AUTS2: variants seen among roughly 807,000 people sequenced by gnomAD.
The protein encoded by AUTS2 is activator of transcription and developmental regulator AUTS2.
In AUTS2, 17 loss-of-function variants were observed where a neutral mutation model predicts 112.4. That is an observed-to-expected ratio of 0.15 (90% confidence interval 0.10 to 0.23). The LOEUF is 0.23. AUTS2 is among the 10% of genes least tolerant of loss of function. The pLI is 1.00. For missense variants in AUTS2, 1,510 were observed against 1,701.6 expected (o/e 0.89, Z 1.98); for synonymous variants, 751 against 702.7 (o/e 1.07, Z -1.09).
At chr7:70,074,944 G>A (rs1584680748) in intron 2 of AUTS2, among the ~76,000 whole-genome samples, 1 of 152,134 alleles carries the variant, frequency 6.6e-6, no homozygotes, top group African/African-American at 2.4e-5. Flanking sequence ...CCTCTTTTGA[G>A]CTCAGTATTT....
chr7:70,722,095 A>G (rs985739711), intron 6 of AUTS2, among the ~76,000 whole-genome samples: 55 of 150,708 alleles, frequency 3.6e-4, no homozygotes, highest in Non-Finnish European at 1.3e-4. Flanking sequence ...TTTTTGGTTG[A>G]TACGTCTCTT....
At chr7:70,512,621 C>G (rs1362789823) in intron 5 of AUTS2, among the ~76,000 whole-genome samples, 1 of 152,088 alleles carries the variant, frequency 6.6e-6, no homozygotes, top group Non-Finnish European at 1.5e-5. Context: ...AGGACTCCCC[C>G]CAGAAGGCTG....
chr7:70,227,687 T>A (rs189745116), intron 4 of AUTS2, among the ~76,000 whole-genome samples: 1 of 152,198 alleles, frequency 6.6e-6, no homozygotes, highest in East Asian at 1.9e-4. Flanking sequence ...TGTGATTCAT[T>A]CTCTTAACTC....
intron 4 of AUTS2, among the ~76,000 whole-genome samples, chr7:70,254,268 G>A (rs1361710713): frequency 6.6e-6 from 1 of 152,072 alleles, no homozygotes; most frequent in African/African-American, 2.4e-5. Context: ...AAGTAATTAT[G>A]TCTTTTTTCA....
chr7:70,311,874 C>T (rs1374773208), intron 4 of AUTS2, among the ~76,000 whole-genome samples: 1 of 152,216 alleles, frequency 6.6e-6, no homozygotes. Flanking sequence ...CACCACCACG[C>T]CTGGCTAATT....
chr7:70,048,856 T>C (rs1031245555), intron 2 of AUTS2, among the ~76,000 whole-genome samples: 2 of 152,252 alleles, frequency 1.3e-5, no homozygotes, highest in African/African-American at 4.8e-5. Context: ...CCCAGTGATA[T>C]CTTGGCTTAA....
intron 5 of AUTS2, among the ~76,000 whole-genome samples, chr7:70,575,128 G>C (rs565249600): frequency 6.6e-6 from 1 of 152,326 alleles, no homozygotes; most frequent in East Asian, 1.9e-4. Flanking sequence ...CGCTCGCAGA[G>C]ACCTAGACAG....
chr7:70,024,366 C>T (rs955005933), intron 2 of AUTS2, among the ~76,000 whole-genome samples: 2 of 152,206 alleles, frequency 1.3e-5, no homozygotes, highest in African/African-American at 2.4e-5. Flanking sequence ...AATCAAATTA[C>T]AAACAATGGA....
intron 1 of AUTS2, among the ~76,000 whole-genome samples, chr7:69,783,831 C>A (rs1307809974): frequency 6.6e-6 from 1 of 152,102 alleles, no homozygotes; most frequent in Non-Finnish European, 1.5e-5. Flanking sequence ...GAATAGGTAT[C>A]ATCATTCAGC....
chr7:70,160,114 A>G (rs1483263074), intron 4 of AUTS2, among the ~76,000 whole-genome samples: 2 of 152,158 alleles, frequency 1.3e-5, no homozygotes, highest in African/African-American at 2.4e-5. Flanking sequence ...CTTTTTAGCA[A>G]CATCCATAAT....
chr7:70,010,466 A>G (rs1037359290), intron 2 of AUTS2, among the ~76,000 whole-genome samples: 2 of 152,162 alleles, frequency 1.3e-5, no homozygotes, highest in Admixed American at 6.5e-5. Context: ...TTAAAGGTGT[A>G]TACTTCACCA....
Position 70,694,502 on chromosome 7 carries a change from T to TCCTCCTCCCTCTC in AUTS2, c.691-4055_691-4043dup, listed in dbSNP as rs1036185851. The TCCTCCTCCCTCTC allele has an allele frequency of 6.8e-6, 1 of 147,802 alleles. No homozygotes were observed. The highest frequency in any genetic ancestry group is 1.5e-5 in the Non-Finnish European group (1 of 66,710). 9.2% of individuals were successfully genotyped at this position (147,802 alleles called of 1,614,324 possible). On this transcript the variant is annotated intron_variant, in intron 5 of 18. Coordinates refer to ENST00000342771, the MANE Select transcript of AUTS2 (RefSeq NM_015570.4). The surrounding 1 kb of genome is among the most constrained non-coding windows in gnomAD (Gnocchi z 4.1). ...GAGAAGCCGCCGCGCGCCCTCCTCCTCCTCCTCCCTCTCCCTCCTCCCTCC... is the reference window on the plus strand; with the variant it reads ...GAGAAGCCGCCGCGCGCCCTCCTCCTCCTCCTCCCTCTCCCTCCTCCCTCTCCCTCCTCCCTCC...
chr7:69,831,662 G>A (rs1051616310), intron 1 of AUTS2, among the ~76,000 whole-genome samples: 2 of 150,540 alleles, frequency 1.3e-5, no homozygotes, highest in East Asian at 1.9e-4. Flanking sequence ...ATGCTATGCC[G>A]TTGTCTTGGC....
chr7:70,763,333 C>T lies in AUTS2; in HGVS notation c.1206C>T (p.Asn402=). The part of the protein sequence containing the change: ...SAYNSSSLSL[N]SLSSSRSSTP... ...ACAACAGCAGTAGCTTAAGCCTCAA[C>T]AGTTTAAGGTGAGTGGCCTGCTCTT... Residue 402 remains asparagine (N), a synonymous_variant, in exon 7 of 19, where the codon AAC becomes AAT. Coordinates refer to ENST00000342771, the MANE Select transcript of AUTS2 (RefSeq NM_015570.4). The T allele has an allele frequency of 6.4e-7, 1 of 1,557,054 alleles. No individual in the cohort carries two copies. The highest frequency in any genetic ancestry group is 8.7e-7 in the Non-Finnish European group (1 of 1,150,220).
At chr7:69,727,314 A>C (rs1210583762) in intron 1 of AUTS2, among the ~76,000 whole-genome samples, 1 of 152,182 alleles carries the variant, frequency 6.6e-6, no homozygotes, top group Admixed American at 6.5e-5. Context: ...CTTGAGGGCC[A>C]GGTGCAGTAG....
At chr7:70,465,198 C>T (rs1433146443) in intron 5 of AUTS2, among the ~76,000 whole-genome samples, 1 of 152,198 alleles carries the variant, frequency 6.6e-6, no homozygotes, top group African/African-American at 2.4e-5. Flanking sequence ...TCTTCTGCCT[C>T]CCCTTACTGA....
chr7:70,157,196 C>G (rs1305480216), intron 4 of AUTS2, among the ~76,000 whole-genome samples: 1 of 151,964 alleles, frequency 6.6e-6, no homozygotes. Flanking sequence ...ACTGTTCCAG[C>G]TTTTCATCAC....
At chr7:70,101,157 C>G (rs542807460) in intron 2 of AUTS2, among the ~76,000 whole-genome samples, 3 of 152,080 alleles carry the variant, frequency 2.0e-5, no homozygotes, top group Admixed American at 2.0e-4. Flanking sequence ...GGATTACAGG[C>G]GTGAGCCACT....
intron 1 of AUTS2, among the ~76,000 whole-genome samples, chr7:69,604,195 C>T (rs1440145749): frequency 3.3e-5 from 5 of 152,146 alleles, no homozygotes; most frequent in African/African-American, 9.7e-5. Flanking sequence ...CAGGGCTTCC[C>T]CCACACATCA....
Sources: gnomAD v4.1 joint callset for allele counts (sites outside exome capture counted in the v4.1 genomes callset) on GRCh38, gnomAD v4.1.1 for gene constraint, Gnocchi (gnomAD v3.1) non-coding constraint, MANE v1.5 for transcripts, NCBI Gene and HGNC (gene_info 2026-07-23, HGNC 2026-07-21) for gene names.